Variants in CDH1 observed in about 807,000 individuals in gnomAD.
The protein encoded by CDH1 is cadherin 1.
Under a neutral mutation model 84.5 loss-of-function variants are expected in CDH1, and 35 were observed. The observed-to-expected ratio is 0.41, with a 90% CI of 0.32 to 0.55. The LOEUF (loss-of-function observed/expected upper bound fraction) is 0.55, where lower values mean the gene tolerates loss of function less well. CDH1 is among the 20% of genes least tolerant of loss of function. CDH1 has a pLI of 0.19. For synonymous variants in CDH1, 417 were observed against 439.0 expected (o/e 0.95, Z 0.63); for missense variants, 994 against 1,126.6 (o/e 0.88, Z 1.68).
In CDH1 at chr16:68,774,064, C is replaced by T. The variant is rs111232189; in HGVS notation, c.164-27606C>T. 8.7e-3 allele frequency among the ~76,000 whole-genome samples: 1,326 copies of T among 152,262 alleles called. 12 individuals carry two copies. The highest frequency in any genetic ancestry group is 0.022 in the African/African-American group (930 of 41,564). ...CCAAGTAGCTGGCAGTACAGGCACA[C>T]GCCACCACATCTGGCTAATTTTAAA... On this transcript the variant is annotated intron_variant, in intron 2 of 15. Transcript: ENST00000261769.
rs114688556 is a variant in CDH1, at chr16:68,823,210, A to G, written c.1937-189A>G. On this transcript the variant is annotated intron_variant, in intron 12 of 15. Transcript: ENST00000261769. ...TCTAGAGCCCTCTCCCAAGCCTTAG[A>G]CCAAATGGAAATAAAGCTTTTTACA... The G allele has an allele frequency of 1.1e-3, 661 of 590,976 alleles. 8 individuals are homozygous for G. In the African/African-American group the frequency reaches 0.012, roughly 11 times the overall value. The allele number at this position is 590,976 out of a possible 1,614,324, so 36.6% of individuals were successfully genotyped here.
At chr16:68,747,202 T>C (rs1962767277) in intron 2 of CDH1, among the ~76,000 whole-genome samples, 1 of 151,994 alleles carries the variant, frequency 6.6e-6, no homozygotes, top group South Asian at 2.1e-4. Flanking sequence ...GAGGGTGTCT[T>C]CCATGCAAGG....
At chr16:68,811,396 CAAAAAAAA>C (rs1158343325) in intron 6 of CDH1, among the ~76,000 whole-genome samples, 3 of 77,764 alleles carry the variant, frequency 3.9e-5, no homozygotes, top group Non-Finnish European at 5.7e-5. Flanking sequence ...AACTCCGTCT[CAAAAAAAA>C]AAAAAAAAAA....
At chr16:68,816,069 G>A (rs892161211) in intron 10 of CDH1, among the ~76,000 whole-genome samples, 4 of 152,142 alleles carry the variant, frequency 2.6e-5, no homozygotes, top group Admixed American at 6.5e-5. Flanking sequence ...CCAGGCTAGC[G>A]TGCAGTGGCG....
intron 2 of CDH1, among the ~76,000 whole-genome samples, chr16:68,764,804 C>A (rs908286850): frequency 6.6e-6 from 1 of 152,198 alleles, no homozygotes; most frequent in South Asian, 2.1e-4. Context: ...TCTGTCTGTT[C>A]ATCTGTTCAC....
intron 2 of CDH1, among the ~76,000 whole-genome samples, chr16:68,774,223 G>A (rs1164116150): frequency 1.3e-5 from 2 of 152,174 alleles, no homozygotes; most frequent in Non-Finnish European, 2.9e-5. Flanking sequence ...CAGAAGCACA[G>A]TTTTAAAATG....
rs1044286393 is a variant in CDH1 at position 68,834,155 on chromosome 16, T to C, written c.*656T>C. The C allele has an allele frequency of 2.1e-6, 1 of 478,096 alleles. No homozygotes were observed. The highest frequency in any genetic ancestry group is 2.0e-5 in the African/African-American group (1 of 51,026). The allele number at this position is 478,096 out of a possible 1,614,324, so 29.6% of individuals were successfully genotyped here. Reference sequence around the variant, plus strand: ...AAATATTTGAGACGGGGTCTCCCTGTGTTACCCAGGCTGGTCTCAAACTCC... The same window carrying C: ...AAATATTTGAGACGGGGTCTCCCTGCGTTACCCAGGCTGGTCTCAAACTCC... On this transcript the variant is annotated 3_prime_UTR_variant, in exon 16 of 16. Coordinates refer to ENST00000261769, the MANE Select transcript of CDH1 (RefSeq NM_004360.5).
chr16:68,758,592 C>T (rs184427205), intron 2 of CDH1, among the ~76,000 whole-genome samples: 34 of 145,434 alleles, frequency 2.3e-4, no homozygotes, highest in Non-Finnish European at 3.7e-4. Context: ...TCTCAAGAAT[C>T]GATCTCTAAA....
chr16:68,745,829 A>AT (rs1289371397), intron 2 of CDH1, among the ~76,000 whole-genome samples: 1 of 151,528 alleles, frequency 6.6e-6, no homozygotes, highest in East Asian at 2.0e-4. Context: ...TTACTTATTT[A>AT]TTTTTTGGGA....
At position 68,834,934 on chromosome 16, in the gene CDH1, A is replaced by G. The variant is rs886052245; in HGVS notation, c.*1435A>G. Reference sequence around the variant, plus strand: ...TGCTGAGGATGATTGAGGTGGGTCTACCTCATCTCTGAAAATTCTGGAAGG... The same window carrying G: ...TGCTGAGGATGATTGAGGTGGGTCTGCCTCATCTCTGAAAATTCTGGAAGG... On this transcript the variant is annotated 3_prime_UTR_variant, in exon 16 of 16. Transcript: ENST00000261769. 1 of 232,278 alleles carries G rather than the reference A, an allele frequency of 4.3e-6. No homozygotes were observed. Among genetic ancestry groups the G allele is most frequent in the Non-Finnish European group, 8.5e-6 (1 of 117,162 alleles). 14.4% of individuals were successfully genotyped at this position (232,278 alleles called of 1,614,324 possible).
chr16:68,741,156 T>C (rs966996761), intron 2 of CDH1, among the ~76,000 whole-genome samples: 1 of 152,024 alleles, frequency 6.6e-6, no homozygotes, highest in Non-Finnish European at 1.5e-5. Flanking sequence ...TCTGGTGTGG[T>C]TGGTTTCAGT....
intron 2 of CDH1, among the ~76,000 whole-genome samples, chr16:68,784,402 C>A (rs997520670): frequency 3.9e-5 from 6 of 152,044 alleles, no homozygotes; most frequent in African/African-American, 1.4e-4. Context: ...TGACATCCAG[C>A]ATTTTTTTTT....
intron 9 of CDH1, among the ~76,000 whole-genome samples, chr16:68,814,053 G>A (rs368617854): frequency 6.7e-6 from 1 of 149,558 alleles, no homozygotes; most frequent in Non-Finnish European, 1.5e-5. Context: ...TGACCAACAT[G>A]GTGAAACCCC....
At chr16:68,737,573 G>T (rs886481709) in intron 1 of CDH1, 110 bp downstream of exon 1, 12 of 1,023,910 alleles carry the variant, frequency 1.2e-5, no homozygotes, top group African/African-American at 3.2e-5. Flanking sequence ...TTCCAAGAAA[G>T]TTCGGGTCCT....
intron 2 of CDH1, among the ~76,000 whole-genome samples, chr16:68,766,808 A>G (rs1001341179): frequency 6.6e-6 from 1 of 151,140 alleles, no homozygotes; most frequent in African/African-American, 2.4e-5. Flanking sequence ...GCTCACTACA[A>G]CTTCTGCCTC....
At chr16:68,791,609 T>G (rs1437633187) in intron 2 of CDH1, among the ~76,000 whole-genome samples, 1 of 151,832 alleles carries the variant, frequency 6.6e-6, no homozygotes, top group African/African-American at 2.4e-5. Flanking sequence ...TTTTGTAGAG[T>G]TGGGGTCTTG....
intron 2 of CDH1, among the ~76,000 whole-genome samples, chr16:68,744,041 A>G (rs1429525339): frequency 6.6e-6 from 1 of 152,248 alleles, no homozygotes; most frequent in Non-Finnish European, 1.5e-5. Flanking sequence ...GAAAGTAGAG[A>G]GAATATTTTC....
At chr16:68,810,879 T>A (rs1183814046) in intron 6 of CDH1, among the ~76,000 whole-genome samples, 15 of 147,014 alleles carry the variant, frequency 1.0e-4, no homozygotes, top group East Asian at 2.0e-4. Flanking sequence ...AAAAAAAAAA[T>A]TTTTTTTTCA....
At chr16:68,787,651 A>ATTGTT (rs1423840217) in intron 2 of CDH1, among the ~76,000 whole-genome samples, 5 of 150,218 alleles carry the variant, frequency 3.3e-5, no homozygotes, top group African/African-American at 4.9e-5. Context: ...GCCTATAACT[A>ATTGTT]TTGTTTTGTT....
Sources: gnomAD v4.1 joint callset for allele counts (sites outside exome capture counted in the v4.1 genomes callset) on GRCh38, gnomAD v4.1.1 for gene constraint, MANE v1.5 for transcripts, NCBI Gene and HGNC (gene_info 2026-07-23, HGNC 2026-07-21) for gene names.